The following FBXL2 variants were observed in gnomAD, a reference collection of about 807,000 sequenced individuals.
FBXL2 encodes F-box and leucine rich repeat protein 2.
A neutral mutation model predicts 69.2 loss-of-function variants in FBXL2; 38 were observed. The ratio of observed to expected loss-of-function variants is 0.55; its 90% CI spans 0.42 to 0.72. The LOEUF (loss-of-function observed/expected upper bound fraction) is 0.72, where lower values mean the gene tolerates loss of function less well. Among genes scored for constraint, FBXL2 ranks in the 30% least tolerant of loss-of-function variants. FBXL2 has a pLI of 0.00. For synonymous variants in FBXL2, 192 were observed against 201.3 expected (o/e 0.95, Z 0.39); for missense variants, 354 against 520.3 (o/e 0.68, Z 3.11).
chr3:33,391,879 C>A (rs2043780036), downstream of FBXL2: 1 of 152,500 alleles, frequency 6.6e-6, no homozygotes. Flanking sequence ...GAACTACCAT[C>A]ATCATCCGGT....
intron 2 of FBXL2, among the ~76,000 whole-genome samples, chr3:33,316,063 T>G (rs2037660978): frequency 6.8e-6 from 1 of 146,294 alleles, no homozygotes; most frequent in Non-Finnish European, 1.5e-5. Flanking sequence ...TTTGCTTACT[T>G]TTTTTTTTTT....
intron 11 of FBXL2, 74 bp downstream of exon 11, chr3:33,377,407 T>G: frequency 6.9e-7 from 1 of 1,458,004 alleles, no homozygotes; most frequent in East Asian, 2.3e-5. Flanking sequence ...GGAGTGGTTT[T>G]GGGTGTGCAA....
rs182112552 is a variant in FBXL2 at position 33,341,464 on chromosome 3, A to G, written c.66-17503A>G. ...AAATTGAATAATAAATACAGAAAAG[A>G]AAGTGAAGAGTATAAAGTGGCAGGA... On this transcript the variant is annotated intron_variant, in intron 2 of 14. Transcript: ENST00000484457. Among the ~76,000 whole-genome samples the G allele has an allele frequency of 2.6e-5, 4 of 152,282 alleles. No homozygotes were observed. The East Asian group carries it at 7.7e-4, about 29-fold the overall frequency.
the FBXL2 span, among the ~76,000 whole-genome samples, chr3:33,417,833 G>A: frequency 2.0e-5 from 3 of 152,068 alleles, no homozygotes; most frequent in Non-Finnish European, 4.4e-5. Context: ...TACTCCCAGG[G>A]GGCTTACAGA....
At chr3:33,418,493 G>A in the FBXL2 span, among the ~76,000 whole-genome samples, 2 of 151,778 alleles carry the variant, frequency 1.3e-5, no homozygotes, top group Non-Finnish European at 2.9e-5. Flanking sequence ...TCCTGACCTC[G>A]GGTGATTCAC....
chr3:33,318,787 G>T lies in FBXL2; in HGVS notation c.65+21062G>T, dbSNP rs916601309. On this transcript the variant is annotated intron_variant, in intron 2 of 14. Coordinates refer to ENST00000484457, the MANE Select transcript of FBXL2 (RefSeq NM_012157.5). ...AACTAATAGAATTCGGTGTGTGAAA[G>T]GTCAGCAGGGCAATCCTCCTCTCTG... Among the ~76,000 whole-genome samples the T allele has an allele frequency of 3.3e-5, 5 of 152,168 alleles. No individual in the cohort carries two copies. In the South Asian group the frequency reaches 1.0e-3, roughly 32 times the overall value.
the FBXL2 span, chr3:33,412,670 C>CTA: frequency 8.6e-7 from 1 of 1,160,518 alleles, no homozygotes; most frequent in South Asian, 1.2e-5. Context: ...ACATTACTGG[C>CTA]TATAGCTAAA....
chr3:33,400,803 A>G (rs1158435595), intron 12 of FBXL2, among the ~76,000 whole-genome samples: 1 of 152,146 alleles, frequency 6.6e-6, no homozygotes, highest in Non-Finnish European at 1.5e-5. Context: ...AATGTACTCT[A>G]CTCAGGTGAT....
intron 2 of FBXL2, among the ~76,000 whole-genome samples, chr3:33,318,976 G>C (rs2037957386): frequency 1.3e-5 from 2 of 152,214 alleles, no homozygotes; most frequent in Non-Finnish European, 2.9e-5. Flanking sequence ...AGAAGGGAAT[G>C]TGGATTTGGT....
At chr3:33,356,772 A>G (rs182713892) in intron 2 of FBXL2, among the ~76,000 whole-genome samples, 8 of 152,284 alleles carry the variant, frequency 5.3e-5, no homozygotes, top group African/African-American at 1.4e-4. Context: ...TTGTTGAACT[A>G]TGGGGTAGGA....
At chr3:33,401,802 A>C (rs1642873642) in intron 12 of FBXL2, among the ~76,000 whole-genome samples, 1 of 152,212 alleles carries the variant, frequency 6.6e-6, no homozygotes, top group African/African-American at 2.4e-5. Context: ...ATAAACTTAC[A>C]GCTCACCTTT....
intron 2 of FBXL2, among the ~76,000 whole-genome samples, chr3:33,349,719 A>G (rs1310024053): frequency 6.6e-6 from 1 of 152,188 alleles, no homozygotes; most frequent in Non-Finnish European, 1.5e-5. Context: ...CAGTGAAGCC[A>G]TGAAGTCCTG....
intron 1 of FBXL2, among the ~76,000 whole-genome samples, chr3:33,294,558 G>A (rs759548595): frequency 1.3e-5 from 2 of 152,094 alleles, no homozygotes; most frequent in Non-Finnish European, 2.9e-5. Flanking sequence ...AAGAAGAAAG[G>A]CCAGGCACAG....
chr3:33,318,606 A>G (rs1029265547), intron 2 of FBXL2, among the ~76,000 whole-genome samples: 16 of 152,322 alleles, frequency 1.1e-4, no homozygotes, highest in African/African-American at 3.6e-4. Flanking sequence ...AGATGGACAC[A>G]CTAGACAGAT....
At chr3:33,404,105 T>G (rs989863085), downstream of FBXL2, among the ~76,000 whole-genome samples, 2 of 151,856 alleles carry the variant, frequency 1.3e-5, no homozygotes, top group African/African-American at 4.8e-5. Context: ...TACCAAAAAA[T>G]AAAAACAATA....
intron 2 of FBXL2, among the ~76,000 whole-genome samples, chr3:33,304,226 A>G (rs530693403): frequency 6.6e-6 from 1 of 152,168 alleles, no homozygotes; most frequent in Admixed American, 6.5e-5. Context: ...GCCCTCTTTT[A>G]TTCATTTTGT....
At chr3:33,388,914 G>A (rs945146611), downstream of FBXL2, 12 of 151,932 alleles carry the variant, frequency 7.9e-5, no homozygotes, top group Non-Finnish European at 1.8e-4. Context: ...CCTATTTTTT[G>A]CCTGAACACA....
chr3:33,346,499 C>T (rs986216520), intron 2 of FBXL2, among the ~76,000 whole-genome samples: 3 of 151,956 alleles, frequency 2.0e-5, no homozygotes, highest in Non-Finnish European at 4.4e-5. Context: ...TTCAAGGTTA[C>T]AGTGAGCTAT....
chr3:33,347,531 T>C (rs891466322), intron 2 of FBXL2, among the ~76,000 whole-genome samples: 1 of 152,214 alleles, frequency 6.6e-6, no homozygotes. Context: ...TTTGGGTATA[T>C]ACCCAGCAGT....
Sources: allele counts gnomAD v4.1 joint callset (sites outside exome capture counted in the v4.1 genomes callset), GRCh38; gene constraint gnomAD v4.1.1; transcripts MANE v1.5; gene names NCBI Gene and HGNC (gene_info 2026-07-23, HGNC 2026-07-21).